Variants in FHOD3 observed in about 807,000 individuals in gnomAD.
FHOD3 encodes FH1/FH2 domain-containing protein 3.
A neutral mutation model predicts 173.0 loss-of-function variants in FHOD3; 90 were observed. That is an observed-to-expected ratio of 0.52 (90% CI 0.44 to 0.62). The LOEUF (loss-of-function observed/expected upper bound fraction) is 0.62, where lower values mean the gene tolerates loss of function less well. Ranked by LOEUF, FHOD3 falls within the 20% of genes least tolerant of loss-of-function variation. FHOD3 has a pLI of 0.00. For missense variants in FHOD3, 1,945 were observed against 2,034.7 expected (o/e 0.96, Z 0.85); for synonymous variants, 828 against 823.0 (o/e 1.01, Z -0.10).
chr18:36,608,021 T>C (rs2032268333), intron 8 of FHOD3, among the ~76,000 whole-genome samples: 1 of 152,216 alleles, frequency 6.6e-6, no homozygotes. Flanking sequence ...AACCAGATAA[T>C]GCTCTAGTCA....
At chr18:36,439,627 A>C (rs895121882) in intron 3 of FHOD3, among the ~76,000 whole-genome samples, 2 of 151,218 alleles carry the variant, frequency 1.3e-5, no homozygotes, top group Non-Finnish European at 2.9e-5. Flanking sequence ...AAGAAGTCTC[A>C]TGATCTGCTG....
chr18:36,671,522 C>CT (rs2037534932), intron 14 of FHOD3, among the ~76,000 whole-genome samples: 1 of 152,222 alleles, frequency 6.6e-6, no homozygotes, highest in African/African-American at 2.4e-5. Flanking sequence ...TTTTTCACCA[C>CT]TGAAATAGAC....
intron 1 of FHOD3, among the ~76,000 whole-genome samples, chr18:36,338,230 A>G (rs113879232): frequency 2.1e-4 from 32 of 152,326 alleles, no homozygotes; most frequent in African/African-American, 7.7e-4. Flanking sequence ...CACGTGAACC[A>G]GGGTCCAGAT....
At chr18:36,417,170 A>G (rs1227484226) in intron 3 of FHOD3, among the ~76,000 whole-genome samples, 2 of 152,178 alleles carry the variant, frequency 1.3e-5, no homozygotes, top group African/African-American at 4.8e-5. Context: ...TCACCCAGGT[A>G]TTAAGCCTAG....
intron 24 of FHOD3, among the ~76,000 whole-genome samples, chr18:36,752,550 A>G (rs981545724): frequency 1.3e-5 from 2 of 152,212 alleles, no homozygotes; most frequent in African/African-American, 4.8e-5. Flanking sequence ...CAACTGAAAA[A>G]AATTCCTTAA....
At chr18:36,549,248 C>G (rs1275008474) in intron 5 of FHOD3, among the ~76,000 whole-genome samples, 1 of 151,950 alleles carries the variant, frequency 6.6e-6, no homozygotes, top group Admixed American at 6.6e-5. Flanking sequence ...TTGTTCAACT[C>G]TTTTTGCCAA....
intron 1 of FHOD3, among the ~76,000 whole-genome samples, chr18:36,317,701 C>A (rs148232257): frequency 0.03 from 4,512 of 152,252 alleles, 220 homozygotes; most frequent in African/African-American, 0.1. Context: ...CTGATAGTTT[C>A]TTTTGCTGTG....
chr18:36,319,329 T>C (rs1225099638), intron 1 of FHOD3, among the ~76,000 whole-genome samples: 2 of 152,108 alleles, frequency 1.3e-5, no homozygotes, highest in Non-Finnish European at 2.9e-5. Context: ...AGGGCAGGGA[T>C]TGCAATCCTA....
intron 19 of FHOD3, among the ~76,000 whole-genome samples, chr18:36,730,159 C>T (rs1258913624): frequency 6.6e-6 from 1 of 152,146 alleles, no homozygotes; most frequent in Non-Finnish European, 1.5e-5. Flanking sequence ...TGAGACAGTA[C>T]AGCTGTAGAT....
chr18:36,499,073 TTTTTGTTTTGTTTTGTTTTGTTTTG>T (rs149323059), intron 3 of FHOD3, among the ~76,000 whole-genome samples: 71,704 of 150,916 alleles, frequency 0.48, 17,418 homozygotes, highest in South Asian at 0.62. Flanking sequence ...CCTATTGCTA[TTTTTGTTTTGTTTTGTTTTGTTTTG>T]TTTTGTTTTG....
At chr18:36,600,041 C>T (rs1001338220) in intron 7 of FHOD3, among the ~76,000 whole-genome samples, 15 of 151,786 alleles carry the variant, frequency 9.9e-5, no homozygotes, top group Non-Finnish European at 1.3e-4. Context: ...ACTCCAGCAG[C>T]GCTAAGGAAA....
chr18:36,612,047 C>T lies in FHOD3; in HGVS notation c.909C>T (p.Asn303=). 1.2e-6 allele frequency: 2 copies of T among 1,614,150 alleles called. No homozygotes were observed. The highest frequency in any genetic ancestry group is 1.7e-6 in the Non-Finnish European group (2 of 1,180,036). The change falls in exon 9 of 29, where the codon AAC becomes AAT. Residue 303 remains asparagine (N), a synonymous_variant. Coordinates refer to ENST00000590592, the MANE Select transcript of FHOD3 (RefSeq NM_001281740.3). ...GIAAVSQRHL[N]KKGTDLDLVE... is the part of the protein sequence containing the mutation. ...CTGCTGTGTCCCAGAGGCACTTGAACAAGAAAGGGACTGACCTGGACTTAG... is the reference window on the plus strand; with the variant it reads ...CTGCTGTGTCCCAGAGGCACTTGAATAAGAAAGGGACTGACCTGGACTTAG...
chr18:36,594,579 A>G (rs999100736), intron 6 of FHOD3, among the ~76,000 whole-genome samples: 3 of 152,086 alleles, frequency 2.0e-5, no homozygotes, highest in Non-Finnish European at 4.4e-5. Context: ...TTTGTACCTC[A>G]GTTTCCTCAT....
chr18:36,643,902 A>G (rs1448645708), intron 10 of FHOD3, among the ~76,000 whole-genome samples: 1 of 152,110 alleles, frequency 6.6e-6, no homozygotes, highest in Non-Finnish European at 1.5e-5. Flanking sequence ...AACATACTTT[A>G]ACATTATTTT....
intron 3 of FHOD3, among the ~76,000 whole-genome samples, chr18:36,411,515 T>C (rs1373409471): frequency 6.6e-6 from 1 of 152,244 alleles, no homozygotes; most frequent in East Asian, 1.9e-4. Flanking sequence ...ATCTGGCCTC[T>C]AAACACCTTT....
At chr18:36,650,809 C>T (rs2035997020) in intron 11 of FHOD3, among the ~76,000 whole-genome samples, 1 of 152,144 alleles carries the variant, frequency 6.6e-6, no homozygotes, top group African/African-American at 2.4e-5. Flanking sequence ...TCAAAGGCAT[C>T]CCTGTTAATG....
At chr18:36,719,552 G>A (rs142080051) in intron 19 of FHOD3, among the ~76,000 whole-genome samples, 72 of 152,260 alleles carry the variant, frequency 4.7e-4, no homozygotes, top group African/African-American at 1.7e-3. Context: ...CAGGTTTAAG[G>A]TTATCTCCTC....
intron 26 of FHOD3, among the ~76,000 whole-genome samples, chr18:36,759,728 A>G (rs2042788528): frequency 6.6e-6 from 1 of 152,204 alleles, no homozygotes; most frequent in South Asian, 2.1e-4. Flanking sequence ...CCTGGAAAAT[A>G]AGGAGAGAGC....
intron 19 of FHOD3, among the ~76,000 whole-genome samples, chr18:36,727,994 C>T (rs2041164572): frequency 6.6e-6 from 1 of 152,194 alleles, no homozygotes. Flanking sequence ...AAGACACCTG[C>T]TACTGCACCT....
Sources: allele counts gnomAD v4.1 joint callset (sites outside exome capture counted in the v4.1 genomes callset), GRCh38; gene constraint gnomAD v4.1.1; transcripts MANE v1.5; gene names NCBI Gene and HGNC (gene_info 2026-07-23, HGNC 2026-07-21).